Variants in RBFOX1 observed in about 807,000 individuals in gnomAD.
RBFOX1 encodes RNA binding protein fox-1 homolog 1.
In RBFOX1, 8 loss-of-function variants were observed where a neutral mutation model predicts 57.7. That is an observed-to-expected ratio of 0.14 (90% CI 0.08 to 0.25). The LOEUF is 0.25. Ranked by LOEUF, RBFOX1 falls within the 10% of genes least tolerant of loss-of-function variation. The pLI is 1.00. For missense variants in RBFOX1, 611 were observed against 548.5 expected, an observed-to-expected ratio of 1.11 and a Z score of -1.14; for synonymous variants, 326 against 222.4, an observed-to-expected ratio of 1.47 and a Z score of -4.15.
intron 3 of RBFOX1, among the ~76,000 whole-genome samples, chr16:6,951,899 C>G (rs1452353734): frequency 2.6e-5 from 4 of 152,078 alleles, no homozygotes; most frequent in Non-Finnish European, 5.9e-5. Context: ...CCATGCCCAG[C>G]TAATTTTTGT....
At position 5,769,150 on chromosome 16, in the gene RBFOX1, C is replaced by T. The variant is rs144318014; in HGVS notation, c.319-98153C>T. On this transcript the variant is annotated intron_variant, in intron 3 of 19. Transcript: ENST00000641259. ...GGTGAGTGACTGCATTTAAACCTGA[C>T]GTTTTTTGATGGGAAACACCTTATG... Among the ~76,000 whole-genome samples the T allele has an allele frequency of 2.6e-3, 399 of 152,182 alleles. 3 individuals are homozygous for T. Among genetic ancestry groups the T allele is most frequent in the Non-Finnish European group, 3.9e-3 (268 of 67,994 alleles).
chr16:6,995,796 G>C (rs775419512), intron 3 of RBFOX1, among the ~76,000 whole-genome samples: 1 of 151,948 alleles, frequency 6.6e-6, no homozygotes, highest in African/African-American at 2.4e-5. Flanking sequence ...AAAGGGAAAG[G>C]CTTTGAGGTA....
intron 3 of RBFOX1, among the ~76,000 whole-genome samples, chr16:6,875,818 AACATGGT>A: frequency 6.6e-6 from 1 of 151,984 alleles, no homozygotes; most frequent in Non-Finnish European, 1.5e-5. Context: ...CAGTCTGGGG[AACATGGT>A]GAAACCTCAT....
intron 2 of RBFOX1, among the ~76,000 whole-genome samples, chr16:6,470,502 T>C (rs1175835276): frequency 6.6e-6 from 1 of 152,198 alleles, no homozygotes; most frequent in East Asian, 1.9e-4. Flanking sequence ...TGTCAGTCTT[T>C]CTATTCTTCC....
chr16:7,360,717 A>C (rs2097304246), intron 4 of RBFOX1, among the ~76,000 whole-genome samples: 1 of 152,200 alleles, frequency 6.6e-6, no homozygotes, highest in Admixed American at 6.5e-5. Context: ...TAATGCTGTC[A>C]ACACACAGCC....
chr16:7,182,891 G>A (rs982911587), intron 4 of RBFOX1, among the ~76,000 whole-genome samples: 4 of 152,100 alleles, frequency 2.6e-5, no homozygotes, highest in African/African-American at 9.7e-5. Flanking sequence ...GATCTTCCCT[G>A]TTCACAACAA....
At chr16:5,672,854 GGTGTGTGTGTGT>G (rs3035730) in intron 3 of RBFOX1, among the ~76,000 whole-genome samples, 1,858 of 149,620 alleles carry the variant, frequency 0.012, 29 homozygotes, top group African/African-American at 0.04. Flanking sequence ...CTTCACCGTA[GGTGTGTGTGTGT>G]GTGTGTGTGT....
At chr16:7,005,059 C>T (rs371550574) in intron 3 of RBFOX1, among the ~76,000 whole-genome samples, 1 of 152,106 alleles carries the variant, frequency 6.6e-6, no homozygotes, top group Non-Finnish European at 1.5e-5. Flanking sequence ...CAGGAGCATT[C>T]CTTGAATCCA....
At chr16:5,983,093 T>G (rs965826644) in intron 4 of RBFOX1, among the ~76,000 whole-genome samples, 1 of 152,170 alleles carries the variant, frequency 6.6e-6, no homozygotes, top group Non-Finnish European at 1.5e-5. Context: ...GCGACTTCAC[T>G]TCTCACCTGC....
At chr16:6,874,859 A>T (rs767382901) in intron 3 of RBFOX1, among the ~76,000 whole-genome samples, 4 of 152,214 alleles carry the variant, frequency 2.6e-5, no homozygotes, top group Admixed American at 1.3e-4. Flanking sequence ...ATGACACCCA[A>T]TGAACTTACC....
chr16:7,195,166 G>T (rs910047732), intron 4 of RBFOX1, among the ~76,000 whole-genome samples: 1 of 152,122 alleles, frequency 6.6e-6, no homozygotes, highest in African/African-American at 2.4e-5. Flanking sequence ...TTTCTTGTTG[G>T]ACCAGCCATA....
At chr16:6,294,607 A>T (rs1228386258) in intron 1 of RBFOX1, among the ~76,000 whole-genome samples, 1 of 152,190 alleles carries the variant, frequency 6.6e-6, no homozygotes, top group African/African-American at 2.4e-5. Flanking sequence ...TGCCTACTTG[A>T]TGCTGAGCCC....
At chr16:7,020,437 T>A (rs1261561610) in intron 3 of RBFOX1, among the ~76,000 whole-genome samples, 1 of 152,086 alleles carries the variant, frequency 6.6e-6, no homozygotes, top group Non-Finnish European at 1.5e-5. Context: ...GTGAGGCTGG[T>A]CTTGAACTCC....
At chr16:5,500,704 G>A (rs1181003630) in intron 2 of RBFOX1, among the ~76,000 whole-genome samples, 1 of 152,118 alleles carries the variant, frequency 6.6e-6, no homozygotes, top group Non-Finnish European at 1.5e-5. Context: ...TTCAGATATG[G>A]TCCCGTTGGC....
chr16:6,520,401 C>A (rs1476442191), intron 2 of RBFOX1, among the ~76,000 whole-genome samples: 8 of 152,100 alleles, frequency 5.3e-5, no homozygotes, highest in Non-Finnish European at 1.2e-4. Flanking sequence ...AGAAATGTTA[C>A]ATAGACTATA....
chr16:6,286,318 C>T (rs754331472), intron 1 of RBFOX1, among the ~76,000 whole-genome samples: 16 of 152,150 alleles, frequency 1.1e-4, no homozygotes, highest in South Asian at 1.0e-3. Flanking sequence ...AATGCAGTGT[C>T]GATAACTTGG....
intron 3 of RBFOX1, among the ~76,000 whole-genome samples, chr16:7,014,139 T>G (rs995185104): frequency 6.6e-6 from 1 of 152,166 alleles, no homozygotes; most frequent in African/African-American, 2.4e-5. Context: ...GAATAAATGC[T>G]CAAAAAGAAC....
chr16:5,828,732 A>G (rs561184483), intron 3 of RBFOX1, among the ~76,000 whole-genome samples: 2 of 152,240 alleles, frequency 1.3e-5, no homozygotes, highest in African/African-American at 4.8e-5. Flanking sequence ...ACCTTGTCAA[A>G]GTTGAGAGTG....
In RBFOX1 at chr16:6,097,206, C is replaced by T. The variant is rs985208211; in HGVS notation, c.-127+77214C>T. On this transcript the variant is annotated intron_variant, in intron 1 of 15. Coordinates refer to ENST00000550418, the MANE Select transcript of RBFOX1 (RefSeq NM_018723.4). The surrounding 1 kb of genome is among the most constrained non-coding windows in gnomAD (Gnocchi z 5.0). ...TTCGCTTTCTGCCATGATTGTGAGG[C>T]CTCCGTAGCCATGTGGAACTGTGAG... Among the ~76,000 whole-genome samples, 3 of 152,100 alleles carry T rather than the reference C, an allele frequency of 2.0e-5. No homozygotes were observed. The highest frequency in any genetic ancestry group is 4.4e-5 in the Non-Finnish European group (3 of 68,030).
Sources: allele counts gnomAD v4.1 joint callset (sites outside exome capture counted in the v4.1 genomes callset), GRCh38; gene constraint gnomAD v4.1.1; non-coding constraint Gnocchi (gnomAD v3.1); transcripts MANE v1.5; gene names NCBI Gene and HGNC (gene_info 2026-07-23, HGNC 2026-07-21).